Variants in PHACTR3 observed in about 807,000 individuals in gnomAD.
PHACTR3 encodes the protein phosphatase and actin regulator 3, also known as protein phosphatase 1, regulatory subunit 123.
A neutral mutation model predicts 66.8 loss-of-function variants in PHACTR3; 16 were observed. That is an observed-to-expected ratio of 0.24 (90% CI 0.16 to 0.36). The LOEUF is 0.36. Ranked by LOEUF, PHACTR3 falls within the 10% of genes least tolerant of loss-of-function variation. The pLI is 1.00. For synonymous variants in PHACTR3, 323 were observed against 292.1 expected (o/e 1.11, Z -1.08); for missense variants, 647 against 719.9 (o/e 0.90, Z 1.16).
At chr20:59,720,892 G>GA (rs1189086566) in intron 1 of PHACTR3, among the ~76,000 whole-genome samples, 2 of 152,126 alleles carry the variant, frequency 1.3e-5, no homozygotes, top group African/African-American at 2.4e-5. Flanking sequence ...TGGTGTCCTT[G>GA]AAAATCGAGT....
intron 1 of PHACTR3, among the ~76,000 whole-genome samples, chr20:59,594,486 C>T (rs576316790): frequency 6.6e-6 from 1 of 152,220 alleles, no homozygotes; most frequent in Admixed American, 6.5e-5. Flanking sequence ...AACAGACACA[C>T]AATGTTGAAA....
intron 1 of PHACTR3, among the ~76,000 whole-genome samples, chr20:59,706,517 C>T (rs900918221): frequency 6.6e-6 from 1 of 152,340 alleles, no homozygotes; most frequent in East Asian, 1.9e-4. Flanking sequence ...CAACCCACCA[C>T]CCAGAGAACA....
chr20:59,596,636 T>C (rs946047781), intron 1 of PHACTR3, among the ~76,000 whole-genome samples: 1 of 152,256 alleles, frequency 6.6e-6, no homozygotes. Context: ...GTCTGATAAC[T>C]ATCTTTGATT....
At chr20:59,671,144 C>T (rs1362806294) in intron 1 of PHACTR3, among the ~76,000 whole-genome samples, 1 of 152,158 alleles carries the variant, frequency 6.6e-6, no homozygotes, top group Non-Finnish European at 1.5e-5. Flanking sequence ...CAATTCCTGT[C>T]ATGGAAAATC....
intron 1 of PHACTR3, among the ~76,000 whole-genome samples, chr20:59,612,776 A>G (rs2033896234): frequency 6.6e-6 from 1 of 152,130 alleles, no homozygotes; most frequent in Non-Finnish European, 1.5e-5. Flanking sequence ...AATACCTGAG[A>G]CTGGGTAATT....
intron 1 of PHACTR3, among the ~76,000 whole-genome samples, chr20:59,612,802 T>C (rs1194554664): frequency 6.6e-6 from 1 of 151,968 alleles, no homozygotes; most frequent in Non-Finnish European, 1.5e-5. Flanking sequence ...AGAAAAGAGG[T>C]TTAATTGGCT....
intron 1 of PHACTR3, among the ~76,000 whole-genome samples, chr20:59,662,737 A>G (rs958208319): frequency 1.1e-4 from 17 of 152,054 alleles, no homozygotes; most frequent in Non-Finnish European, 1.5e-5. Context: ...CGTTTCTGCA[A>G]TCGCTGAGGC....
chr20:59,710,845 A>T (rs1222954829), intron 1 of PHACTR3, among the ~76,000 whole-genome samples: 1 of 151,970 alleles, frequency 6.6e-6, no homozygotes, highest in African/African-American at 2.4e-5. Flanking sequence ...TCAGGATCCT[A>T]CCCACCCCTC....
At chr20:59,653,320 G>A (rs542575773) in intron 1 of PHACTR3, among the ~76,000 whole-genome samples, 2,202 of 152,104 alleles carry the variant, frequency 0.014, 19 homozygotes, top group Non-Finnish European at 0.024. Context: ...AAGTAGCTGG[G>A]ATTAGAGGTG....
At chr20:59,668,432 T>A (rs1053948057) in intron 1 of PHACTR3, among the ~76,000 whole-genome samples, 2 of 152,208 alleles carry the variant, frequency 1.3e-5, no homozygotes, top group African/African-American at 4.8e-5. Flanking sequence ...CTCTTCCTCC[T>A]GCAACAGTGA....
intron 1 of PHACTR3, among the ~76,000 whole-genome samples, chr20:59,739,071 G>A (rs1458028908): frequency 6.6e-6 from 1 of 152,160 alleles, no homozygotes. Context: ...TGCCTCCCGT[G>A]GCCTTGGGGA....
chr20:59,815,100 G>A lies in PHACTR3; in HGVS notation c.1328+8906G>A, dbSNP rs762686434. Among the ~76,000 whole-genome samples the A allele has an allele frequency of 3.9e-5, 6 of 152,240 alleles. No individual in the cohort carries two copies. The South Asian group carries it at 8.3e-4, about 21-fold the overall frequency. ...GGGAAGTTCAGGGAACCCTCGACTC[G>A]AAGAGGGTTCTTGTTAATGAACAGT... On this transcript the variant is annotated intron_variant, in intron 8 of 12. Transcript: ENST00000371015.
At chr20:59,690,506 C>T (rs963111319) in intron 1 of PHACTR3, among the ~76,000 whole-genome samples, 1 of 152,162 alleles carries the variant, frequency 6.6e-6, no homozygotes, top group African/African-American at 2.4e-5. Flanking sequence ...TAGCCTGTGT[C>T]CCAGGCCTTC....
At chr20:59,743,313 G>C in intron 2 of PHACTR3, 45 bp downstream of exon 2, 1 of 1,606,654 alleles carries the variant, frequency 6.2e-7, no homozygotes, top group Non-Finnish European at 8.5e-7. Flanking sequence ...GCTGGGACCA[G>C]CGTCCTTGGC....
intron 1 of PHACTR3, among the ~76,000 whole-genome samples, chr20:59,608,100 C>A (rs1056284591): frequency 1.3e-5 from 2 of 152,198 alleles, no homozygotes; most frequent in Non-Finnish European, 2.9e-5. Context: ...CTTGCCAACA[C>A]CTGAGATCAT....
intron 4 of PHACTR3, among the ~76,000 whole-genome samples, chr20:59,765,072 T>C (rs932872265): frequency 6.6e-6 from 1 of 152,194 alleles, no homozygotes; most frequent in Non-Finnish European, 1.5e-5. Context: ...AAATGGGCAT[T>C]TCTGTGCTTA....
chr20:59,684,830 A>G (rs2036797961), intron 1 of PHACTR3, among the ~76,000 whole-genome samples: 1 of 152,198 alleles, frequency 6.6e-6, no homozygotes, highest in South Asian at 2.1e-4. Context: ...AGGATGAAAG[A>G]ATCTGCTGCT....
chr20:59,640,845 C>T (rs560265594), intron 1 of PHACTR3, among the ~76,000 whole-genome samples: 3 of 152,204 alleles, frequency 2.0e-5, no homozygotes, highest in South Asian at 2.1e-4. Context: ...TTAAATGTGT[C>T]TTTGAAAAGC....
At chr20:59,583,929 G>A (rs1311833183) in intron 1 of PHACTR3, among the ~76,000 whole-genome samples, 2 of 152,242 alleles carry the variant, frequency 1.3e-5, no homozygotes, top group Admixed American at 6.5e-5. Flanking sequence ...CGGTTCACGC[G>A]TGGACATGTG....
Sources: allele counts gnomAD v4.1 joint callset (sites outside exome capture counted in the v4.1 genomes callset), GRCh38; gene constraint gnomAD v4.1.1; transcripts MANE v1.5; gene names NCBI Gene and HGNC (gene_info 2026-07-23, HGNC 2026-07-21).